Variants in ANKFN1 observed in about 807,000 individuals in gnomAD.
ANKFN1 encodes the protein ankyrin repeat and fibronectin type-III domain-containing protein 1.
A neutral mutation model predicts 108.7 loss-of-function variants in ANKFN1; 74 were observed. That is an observed-to-expected ratio of 0.68 (90% CI 0.56 to 0.83). The LOEUF (loss-of-function observed/expected upper bound fraction) is 0.83, where lower values mean the gene tolerates loss of function less well. ANKFN1 is among the 40% of genes least tolerant of loss of function. The pLI is 0.00. For missense variants in ANKFN1, 1,505 were observed against 1,382.3 expected (o/e 1.09, Z -1.41); for synonymous variants, 547 against 516.2 (o/e 1.06, Z -0.81).
intron 3 of ANKFN1, among the ~76,000 whole-genome samples, chr17:56,274,171 T>C (rs574179467): frequency 2.0e-5 from 3 of 152,212 alleles, no homozygotes; most frequent in Non-Finnish European, 4.4e-5. Flanking sequence ...TGGGACTCTT[T>C]GACAAGGGAG....
At chr17:56,497,207 C>T (rs898574546) in intron 19 of ANKFN1, among the ~76,000 whole-genome samples, 5 of 152,160 alleles carry the variant, frequency 3.3e-5, no homozygotes, top group Admixed American at 2.6e-4. Context: ...TGAGTCTCAT[C>T]TGGGATTCCC....
At chr17:56,312,787 C>T (rs1473644565) in intron 3 of ANKFN1, among the ~76,000 whole-genome samples, 1 of 152,214 alleles carries the variant, frequency 6.6e-6, no homozygotes, top group African/African-American at 2.4e-5. Flanking sequence ...CCATGCAACT[C>T]ACAGTCTAAA....
At chr17:56,171,247 T>G (rs1910672335) in intron 1 of ANKFN1, among the ~76,000 whole-genome samples, 1 of 152,068 alleles carries the variant, frequency 6.6e-6, no homozygotes, top group Non-Finnish European at 1.5e-5. Context: ...CTCTCCCTTT[T>G]GAAGGAAGTG....
At position 56,456,930 on chromosome 17, in the gene ANKFN1, C is replaced by T. The variant is rs1427439637; in HGVS notation, c.1277C>T (p.Ser426Phe). ...AGAAGCCTGAAACACCTGTTCCATT[C>T]CTCGAACAAGTTTGTGAAGACCTTA... ...VSRSLKHLFH[S>F]SNKFVKTLKR... Residue 426 changes from serine to phenylalanine, a missense_variant, in exon 12 of 21, where the codon TCC becomes TTC. Coordinates refer to ENST00000682825, the MANE Select transcript of ANKFN1 (RefSeq NM_001370326.1). 3.7e-6 allele frequency: 6 copies of T among 1,613,962 alleles called. No homozygotes were observed. The African/African-American group carries it at 8.0e-5, about 22-fold the overall frequency.
chr17:56,171,029 C>G (rs1045156760), intron 1 of ANKFN1, among the ~76,000 whole-genome samples: 10 of 151,364 alleles, frequency 6.6e-5, no homozygotes, highest in African/African-American at 2.4e-4. Flanking sequence ...TTCTCAGGAC[C>G]AGGTGTGGCA....
At chr17:56,084,675 T>C in intron 4 of ANKFN1, among the ~76,000 whole-genome samples, 1 of 151,122 alleles carries the variant, frequency 6.6e-6, no homozygotes, top group East Asian at 1.9e-4. Context: ...CAACCTTCTT[T>C]AGTACAGATA....
intron 10 of ANKFN1, among the ~76,000 whole-genome samples, chr17:56,444,318 A>G (rs766664653): frequency 1.2e-4 from 18 of 152,210 alleles, no homozygotes; most frequent in Non-Finnish European, 2.6e-4. Flanking sequence ...AGGTTTGTAC[A>G]TGATTAGATA....
intron 1 of ANKFN1, among the ~76,000 whole-genome samples, chr17:56,188,928 G>A (rs1567826025): frequency 6.6e-6 from 1 of 151,896 alleles, no homozygotes; most frequent in African/African-American, 2.4e-5. Flanking sequence ...GAGAGCATAG[G>A]GACTGGAGAC....
intron 15 of ANKFN1, among the ~76,000 whole-genome samples, chr17:56,470,154 T>C (rs895265229): frequency 2.0e-5 from 3 of 152,232 alleles, no homozygotes; most frequent in Admixed American, 6.5e-5. Context: ...TTCCATGGTG[T>C]ATATGCACCA....
In ANKFN1 at chr17:56,407,702, T is replaced by C. The variant is rs181415932; in HGVS notation, c.911-32625T>C. Reference sequence around the variant, plus strand: ...GACTAAAAATCAAATAGAAAATAGATTAGAACACTATCACAAAGAATATTT... The same window carrying C: ...GACTAAAAATCAAATAGAAAATAGACTAGAACACTATCACAAAGAATATTT... On this transcript the variant is annotated intron_variant, in intron 8 of 20. Coordinates refer to ENST00000682825, the MANE Select transcript of ANKFN1 (RefSeq NM_001370326.1). Among the ~76,000 whole-genome samples the C allele has an allele frequency of 1.1e-3, 162 of 152,228 alleles. 2 individuals carry two copies. Among genetic ancestry groups the C allele is most frequent in the African/African-American group, 3.5e-3 (145 of 41,548 alleles).
intron 3 of ANKFN1, among the ~76,000 whole-genome samples, chr17:56,315,198 T>G (rs187711543): frequency 2.5e-4 from 38 of 152,364 alleles, no homozygotes; most frequent in African/African-American, 8.2e-4. Context: ...ATTTTCTCAC[T>G]AATATAGCTG....
intron 6 of ANKFN1, among the ~76,000 whole-genome samples, chr17:56,367,340 T>C (rs2046689035): frequency 6.6e-6 from 1 of 152,176 alleles, no homozygotes; most frequent in South Asian, 2.1e-4. Context: ...AATCCATAGG[T>C]TAGATTCTAA....
Position 56,514,949 on chromosome 17 carries a change from C to T in ANKFN1, c.*3680C>T, listed in dbSNP as rs1327283457. ...TGTGCGCCCTGGTGAGTTTGGAGCT[C>T]TTCCCTTGAAGATAACTCTGTTAGA... On this transcript the variant is annotated 3_prime_UTR_variant, in exon 21 of 21. Transcript: ENST00000682825. Among the ~76,000 whole-genome samples, 1 of 152,080 alleles carries T rather than the reference C, an allele frequency of 6.6e-6. No homozygotes were observed. Among genetic ancestry groups the T allele is most frequent in the South Asian group, 2.1e-4 (1 of 4,814 alleles).
chr17:56,270,920 C>G (rs552225380), intron 3 of ANKFN1, among the ~76,000 whole-genome samples: 1 of 152,308 alleles, frequency 6.6e-6, no homozygotes, highest in African/African-American at 2.4e-5. Flanking sequence ...TCCACCCTAA[C>G]TTGCTCTTTA....
At chr17:56,066,478 A>G (rs1007983364) in intron 4 of ANKFN1, among the ~76,000 whole-genome samples, 1 of 152,230 alleles carries the variant, frequency 6.6e-6, no homozygotes, top group African/African-American at 2.4e-5. Context: ...ATCTGAATAG[A>G]TTTGCATTGA....
At chr17:56,137,935 A>G (rs1296794430) in intron 4 of ANKFN1, among the ~76,000 whole-genome samples, 3 of 152,212 alleles carry the variant, frequency 2.0e-5, no homozygotes, top group Non-Finnish European at 4.4e-5. Flanking sequence ...CATTTAGCAA[A>G]GAGAGGGAAA....
intron 3 of ANKFN1, among the ~76,000 whole-genome samples, chr17:56,263,788 A>G (rs955249075): frequency 3.3e-5 from 5 of 152,186 alleles, no homozygotes; most frequent in Non-Finnish European, 5.9e-5. Context: ...TGTTTATTTG[A>G]GCAGTCTCTT....
intron 3 of ANKFN1, among the ~76,000 whole-genome samples, chr17:56,286,494 A>G (rs1409363557): frequency 2.0e-5 from 3 of 152,128 alleles, no homozygotes; most frequent in Non-Finnish European, 4.4e-5. Context: ...ATTTGCTCAC[A>G]TGTCTGGAGG....
intron 6 of ANKFN1, among the ~76,000 whole-genome samples, chr17:56,356,815 C>A (rs898098695): frequency 6.6e-6 from 1 of 152,148 alleles, no homozygotes; most frequent in African/African-American, 2.4e-5. Context: ...GAGCCCCATT[C>A]TACAGGAACA....
Sources: allele counts gnomAD v4.1 joint callset (sites outside exome capture counted in the v4.1 genomes callset), GRCh38; gene constraint gnomAD v4.1.1; transcripts MANE v1.5; gene names NCBI Gene and HGNC (gene_info 2026-07-23, HGNC 2026-07-21).